The following TOP1 variants were observed in gnomAD, a reference collection of about 807,000 sequenced individuals.
The protein encoded by TOP1 is DNA topoisomerase 1.
In TOP1, 10 loss-of-function variants were observed where a neutral mutation model predicts 111.1. The ratio of observed to expected loss-of-function variants is 0.09; its 90% CI spans 0.06 to 0.15. The LOEUF (loss-of-function observed/expected upper bound fraction) is 0.15. TOP1 is among the 10% of genes least tolerant of loss of function. TOP1 has a pLI of 1.00. For synonymous variants in TOP1, 271 were observed against 302.9 expected (o/e 0.89, Z 1.10); for missense variants, 474 against 926.7 (o/e 0.51, Z 6.34).
chr20:41,047,889 C>T (rs2033352534), intron 2 of TOP1, among the ~76,000 whole-genome samples: 1 of 152,124 alleles, frequency 6.6e-6, no homozygotes, highest in African/African-American at 2.4e-5. Context: ...AGCATGACTC[C>T]ACCCATTAGC....
Position 41,097,117 on chromosome 20 carries a change from A to T in TOP1, c.731-103A>T. The T allele has an allele frequency of 7.6e-7, 1 of 1,308,668 alleles. No homozygotes were observed. Among genetic ancestry groups the T allele is most frequent in the Non-Finnish European group, 1.0e-6 (1 of 953,488 alleles). The allele number at this position is 1,308,668 out of a possible 1,614,324, so 81.1% of individuals were successfully genotyped here. On this transcript the variant is annotated intron_variant, in intron 9 of 20. Transcript: ENST00000361337. This position sits in a 1 kb window ranked among gnomAD's most constrained non-coding sequence, Gnocchi z 4.2. ...ATGTGTCACCAGACCTTTATATACC[A>T]TGAGAAGGCAAACCATTATTAAAGA...
At chr20:41,077,661 C>T (rs775681639) in intron 5 of TOP1, 24 bp downstream of exon 5, 2 of 1,610,808 alleles carry the variant, frequency 1.2e-6, no homozygotes, top group South Asian at 2.2e-5. Context: ...GCTGCGTGGG[C>T]TTCCCTTTCT....
rs915430471 is a variant in TOP1 at position 41,118,029 on chromosome 20, T to G, written c.1823-140T>G. 2 of 933,744 alleles carry G rather than the reference T, an allele frequency of 2.1e-6. No homozygotes were observed. Among genetic ancestry groups the G allele is most frequent in the African/African-American group, 1.7e-5 (1 of 60,320 alleles). 57.8% of individuals were successfully genotyped at this position (933,744 alleles called of 1,614,324 possible). On this transcript the variant is annotated intron_variant, in intron 17 of 20. Transcript: ENST00000361337. This position sits in a 1 kb window ranked among gnomAD's most constrained non-coding sequence, Gnocchi z 4.6. ...TGACTCAAATTTTGACCTTAGTCCT[T>G]GGGGGCAATTTGAATTAATCATCTG...
Position 41,101,501 on chromosome 20 carries a change from T to A in TOP1, c.1308+148T>A. On this transcript the variant is annotated intron_variant, in intron 13 of 20. Coordinates refer to ENST00000361337, the MANE Select transcript of TOP1 (RefSeq NM_003286.4). The surrounding 1 kb of genome is among the most constrained non-coding windows in gnomAD (Gnocchi z 4.1). ...GCAAGTACTTTCATAGTTAGCATTA[T>A]GGTGATCTTCCTACAGTGCCTCCAT... The A allele has an allele frequency of 1.2e-6, 1 of 860,176 alleles. No homozygotes were observed. Among genetic ancestry groups the A allele is most frequent in the Non-Finnish European group, 1.7e-6 (1 of 574,302 alleles). The allele number at this position is 860,176 out of a possible 1,614,324, so 53.3% of individuals were successfully genotyped here. A position where few individuals can be genotyped will look rare whatever the true frequency, so the allele number is the denominator to read the frequency against.
rs765942481 is a variant in TOP1, at chr20:41,097,224, A to C, written c.735A>C (p.Lys245Asn). The change falls in exon 10 of 21, where the codon AAA becomes AAC. Residue 245 changes from lysine to asparagine, a missense_variant. Lys to Asn is a moderately conservative substitution (Grantham distance 94, BLOSUM62 0). Around this residue, in one of 14 missense-constraint regions of TOP1, gnomAD observed 84 missense variants for 119.2 expected, o/e 0.70. Transcript: ENST00000361337. This position sits in a 1 kb window ranked among gnomAD's most constrained non-coding sequence, Gnocchi z 4.2. ...PENVKFYYDG[K>N]VMKLSPKAEE... ...TGGAACCACTTTTTTCTCTAGGTAA[A>C]GTCATGAAGCTGAGCCCCAAAGCAG... 2.4e-5 allele frequency: 39 copies of C among 1,613,620 alleles called. No individual in the cohort carries two copies. Among genetic ancestry groups the C allele is most frequent in the Non-Finnish European group, 3.1e-5 (36 of 1,179,956 alleles).
At position 41,098,563 on chromosome 20, in the gene TOP1, C is replaced by G. The variant is rs1373439285; in HGVS notation, c.975+226C>G. ...GCTCTGTACAGGAATCTTGGTGCTT[C>G]AGTGACCTAAAAACCAGTCAGTAAC... is the stretch of plus-strand genomic sequence containing the variant. On this transcript the variant is annotated intron_variant, in intron 11 of 20. Transcript: ENST00000361337. The surrounding 1 kb of genome is among the most constrained non-coding windows in gnomAD (Gnocchi z 5.7). 1 of 440,166 alleles carries G rather than the reference C, an allele frequency of 2.3e-6. No individual in the cohort carries two copies. The highest frequency in any genetic ancestry group is 4.0e-6 in the Non-Finnish European group (1 of 249,358). 27.3% of individuals were successfully genotyped at this position (440,166 alleles called of 1,614,324 possible). A position where few individuals can be genotyped will look rare whatever the true frequency, so the allele number is the denominator to read the frequency against.
In TOP1 at chr20:41,123,440, G is replaced by A. The variant is rs1390020917; in HGVS notation, c.*143G>A. 2.4e-5 allele frequency: 14 copies of A among 583,844 alleles called. No individual in the cohort carries two copies. Among genetic ancestry groups the A allele is most frequent in the Non-Finnish European group, 3.6e-5 (12 of 330,988 alleles). The allele number at this position is 583,844 out of a possible 1,614,324, so 36.2% of individuals were successfully genotyped here. ...AACATCTTTGCGAAAAGATAAACCT[G>A]GAGATATTATAAGGGAGAGCTGAGC... On this transcript the variant is annotated 3_prime_UTR_variant, in exon 21 of 21. Transcript: ENST00000361337. The surrounding 1 kb of genome is among the most constrained non-coding windows in gnomAD (Gnocchi z 5.8).
Position 41,101,135 on chromosome 20 carries a change from T to A in TOP1, c.1164-74T>A. 6.5e-7 allele frequency: 1 copy of A among 1,529,930 alleles called. No homozygotes were observed. Among genetic ancestry groups the A allele is most frequent in the South Asian group, 1.2e-5 (1 of 86,650 alleles). 94.8% of individuals were successfully genotyped at this position (1,529,930 alleles called of 1,614,324 possible). On this transcript the variant is annotated intron_variant, in intron 12 of 20. Transcript: ENST00000361337. This position sits in a 1 kb window ranked among gnomAD's most constrained non-coding sequence, Gnocchi z 4.1. ...TGGAAAATTATGCTCAGCAGATAGG[T>A]CCACTTGGGGTCATGAAAGGTGAAA...
rs373136003 is a variant in TOP1 at position 41,035,615 on chromosome 20, TTG to T, written c.58+6163_58+6164del. Among the ~76,000 whole-genome samples the T allele has an allele frequency of 3.4e-3, 523 of 152,296 alleles. 6 individuals carry two copies. Among genetic ancestry groups the T allele is most frequent in the African/African-American group, 0.012 (495 of 41,570 alleles). The stretch of plus-strand genomic sequence containing the variant: ...TAAGAACGAAACCGACCCAGCCAGC[TTG>T]TGGTCCCATTATTCTTTATATTGTT... On this transcript the variant is annotated intron_variant, in intron 2 of 20. Coordinates refer to ENST00000361337, the MANE Select transcript of TOP1 (RefSeq NM_003286.4).
intron 9 of TOP1, among the ~76,000 whole-genome samples, chr20:41,096,466 A>G: frequency 6.6e-6 from 1 of 152,230 alleles, no homozygotes; most frequent in East Asian, 1.9e-4. Flanking sequence ...AGGCAGCATC[A>G]TGGTACCCAT....
chr20:41,035,576 G>A (rs927339324), intron 2 of TOP1, among the ~76,000 whole-genome samples: 1 of 152,100 alleles, frequency 6.6e-6, no homozygotes, highest in Non-Finnish European at 1.5e-5. Flanking sequence ...GTATTCTGAC[G>A]TTTTCCTATA....
Position 41,071,388 on chromosome 20 carries a change from A to G in TOP1, c.156-4783A>G, listed in dbSNP as rs2033667296. Among the ~76,000 whole-genome samples the G allele has an allele frequency of 6.6e-6, 1 of 150,864 alleles. No individual in the cohort carries two copies. The highest frequency in any genetic ancestry group is 1.5e-5 in the Non-Finnish European group (1 of 67,870). ...TGAGATGGAGCCTCAGTCTATCGCC[A>G]GGCTGGAGTGCAGTGGCGTGATCTC... On this transcript the variant is annotated intron_variant, in intron 3 of 20. Transcript: ENST00000361337. The surrounding 1 kb of genome is among the most constrained non-coding windows in gnomAD (Gnocchi z 4.3).
At position 41,098,252 on chromosome 20, in the gene TOP1, T is replaced by C; in HGVS notation, c.890T>C (p.Leu297Pro). 1 of 1,613,872 alleles carries C rather than the reference T, an allele frequency of 6.2e-7. No homozygotes were observed. Among genetic ancestry groups the C allele is most frequent in the Non-Finnish European group, 8.5e-7 (1 of 1,179,808 alleles). Residue 297 changes from leucine (L) to proline (P), a missense_variant, in exon 11 of 21, where the codon CTA becomes CCA. Around this residue, in one of 14 missense-constraint regions of TOP1, gnomAD observed 84 missense variants for 119.2 expected, o/e 0.70. Transcript: ENST00000361337. This position sits in a 1 kb window ranked among gnomAD's most constrained non-coding sequence, Gnocchi z 5.7. ...TNEEKNIITN[L>P]SKCDFTQMSQ... ...GAAGAGAAGAATATTATCACCAACC[T>C]AAGCAAATGTGATTTTACCCAGATG... is the stretch of plus-strand genomic sequence containing the variant.
chr20:41,065,186 T>C (rs2033592202), intron 3 of TOP1, among the ~76,000 whole-genome samples: 1 of 152,220 alleles, frequency 6.6e-6, no homozygotes, highest in Non-Finnish European at 1.5e-5. Flanking sequence ...ATTACAGGTG[T>C]GAGCCACCAC....
chr20:41,081,847 T>C (rs1272489879), intron 7 of TOP1, among the ~76,000 whole-genome samples: 1 of 152,224 alleles, frequency 6.6e-6, no homozygotes, highest in East Asian at 1.9e-4. Context: ...TAGCACCTGC[T>C]GTTCCTCTAT....
rs143286683 is a variant in TOP1 at position 41,046,906 on chromosome 20, T to C, written c.59-14488T>C. 1.2e-4 allele frequency among the ~76,000 whole-genome samples: 18 copies of C among 152,334 alleles called. No homozygotes were observed. In the East Asian group the frequency reaches 2.9e-3, roughly 25 times the overall value. On this transcript the variant is annotated intron_variant, in intron 2 of 20. Transcript: ENST00000361337. This position sits in a 1 kb window ranked among gnomAD's most constrained non-coding sequence, Gnocchi z 4.3. ...CATTGGCCTCTCTTCAGAGTTCTCA[T>C]GTGACTCACTTAGTTTTGCAGAGTG...
In TOP1 at chr20:41,032,238, TC is replaced by T. The variant is rs1046507033; in HGVS notation, c.58+2790del. On this transcript the variant is annotated intron_variant, in intron 2 of 20. Coordinates refer to ENST00000361337, the MANE Select transcript of TOP1 (RefSeq NM_003286.4). The surrounding 1 kb of genome is among the most constrained non-coding windows in gnomAD (Gnocchi z 4.3). ...CCTCATCCCCTAAGATATAAAAGAT[TC>T]CCCCCCGTCCCCCCACTTTGGAGCT... 1.3e-5 allele frequency among the ~76,000 whole-genome samples: 2 copies of T among 151,872 alleles called. No homozygotes were observed. The highest frequency in any genetic ancestry group is 2.4e-5 in the African/African-American group (1 of 41,400).
intron 2 of TOP1, among the ~76,000 whole-genome samples, chr20:41,059,532 G>T (rs2033519087): frequency 6.6e-6 from 1 of 151,912 alleles, no homozygotes; most frequent in African/African-American, 2.4e-5. Context: ...CTTGAGCCCA[G>T]GAGTTCGAGA....
rs1000781201 is a variant in TOP1 at position 41,109,196 on chromosome 20, A to G, written c.1309-3586A>G. ...TAAATGTGAAGGAAAGTATCTTTAC[A>G]ATATTCATCTTGGGAAGCTCTCATT... On this transcript the variant is annotated intron_variant, in intron 13 of 20. Coordinates refer to ENST00000361337, the MANE Select transcript of TOP1 (RefSeq NM_003286.4). This position sits in a 1 kb window ranked among gnomAD's most constrained non-coding sequence, Gnocchi z 4.1. Among the ~76,000 whole-genome samples, 8 of 152,230 alleles carry G rather than the reference A, an allele frequency of 5.3e-5. No individual in the cohort carries two copies. The highest frequency in any genetic ancestry group is 1.9e-4 in the African/African-American group (8 of 41,462).
Sources: allele counts gnomAD v4.1 joint callset (sites outside exome capture counted in the v4.1 genomes callset), GRCh38; gene constraint gnomAD v4.1.1; regional missense constraint gnomAD v4.1.1; non-coding constraint Gnocchi (gnomAD v3.1); transcripts MANE v1.5; gene names NCBI Gene and HGNC (gene_info 2026-07-23, HGNC 2026-07-21).